The following GASK1A variants were observed in gnomAD, a reference collection of about 807,000 sequenced individuals.
The protein encoded by GASK1A is Golgi-associated kinase 1A.
Under a neutral mutation model 41.2 loss-of-function variants are expected in GASK1A, and 40 were observed. The ratio of observed to expected loss-of-function variants is 0.97; its 90% CI spans 0.75 to 1.27. The LOEUF (loss-of-function observed/expected upper bound fraction) is 1.27. Ranked by LOEUF, GASK1A falls within the 50% of genes most tolerant of loss-of-function variation. The pLI is 0.00. For synonymous variants in GASK1A, 316 were observed against 307.1 expected, an observed-to-expected ratio of 1.03 and a Z score of -0.30; for missense variants, 678 against 745.1, an observed-to-expected ratio of 0.91 and a Z score of 1.05.
intron 2 of GASK1A, among the ~76,000 whole-genome samples, chr3:43,043,469 T>G (rs1267065713): frequency 6.6e-6 from 1 of 152,232 alleles, no homozygotes; most frequent in Non-Finnish European, 1.5e-5. Context: ...CAACCAGTCA[T>G]GCACTTCAAT....
chr3:43,032,953 T>C lies in GASK1A; in HGVS notation c.690T>C (p.Pro230=). 6.4e-7 allele frequency: 1 copy of C among 1,551,004 alleles called. No individual in the cohort carries two copies. The change falls in exon 2 of 5, where the codon CCT becomes CCC. Residue 230 remains proline, a synonymous_variant. Transcript: ENST00000430121. ...PTLASGAHQW[P]GSVEKLQGSV... ...TGGCCTCAGGAGCTCATCAGTGGCC[T>C]GGCTCTGTTGAGAAGCTGCAAGGGT...
chr3:43,038,799 A>C (rs532019508), intron 2 of GASK1A, among the ~76,000 whole-genome samples: 1 of 152,144 alleles, frequency 6.6e-6, no homozygotes, highest in East Asian at 1.9e-4. Context: ...CACATTAGTG[A>C]TCAGAAGTGA....
At chr3:43,045,268 T>C (rs2125690695) in intron 2 of GASK1A, among the ~76,000 whole-genome samples, 1 of 152,234 alleles carries the variant, frequency 6.6e-6, no homozygotes, top group African/African-American at 2.4e-5. Flanking sequence ...TTTTATGCCC[T>C]GAGCTTAGAT....
chr3:42,998,725 C>T (rs1390411086), intron 1 of GASK1A, among the ~76,000 whole-genome samples: 1 of 152,154 alleles, frequency 6.6e-6, no homozygotes, highest in South Asian at 2.1e-4. Flanking sequence ...CTCTTCCTCC[C>T]ACCTGCTTAC....
intron 2 of GASK1A, chr3:43,037,421 G>T: frequency 1.1e-6 from 1 of 896,576 alleles, no homozygotes; most frequent in Non-Finnish European, 1.8e-6. Context: ...AAGCTGCTCT[G>T]GAGGCAGCTG....
At chr3:42,996,380 A>C (rs912570373) in intron 1 of GASK1A, among the ~76,000 whole-genome samples, 4 of 152,202 alleles carry the variant, frequency 2.6e-5, no homozygotes, top group Non-Finnish European at 5.9e-5. Context: ...TATGATGGAC[A>C]GGTCACATTC....
At chr3:43,051,749 G>A (rs549185193) in intron 2 of GASK1A, among the ~76,000 whole-genome samples, 5 of 152,168 alleles carry the variant, frequency 3.3e-5, no homozygotes, top group South Asian at 2.1e-4. Context: ...TTTTAGTACC[G>A]GGCAACCAAA....
chr3:43,023,503 A>G (rs1320128575), intron 1 of GASK1A, among the ~76,000 whole-genome samples: 1 of 152,238 alleles, frequency 6.6e-6, no homozygotes, highest in Admixed American at 6.5e-5. Context: ...GAAAAGCAAC[A>G]GCCTGAGAAG....
intron 1 of GASK1A, among the ~76,000 whole-genome samples, chr3:42,987,096 C>T (rs2089315698): frequency 6.6e-6 from 1 of 152,224 alleles, no homozygotes; most frequent in South Asian, 2.1e-4. Context: ...GGATTCTTAA[C>T]AAAGCAATTT....
chr3:43,004,883 C>T (rs2089428274), intron 1 of GASK1A, among the ~76,000 whole-genome samples: 1 of 152,160 alleles, frequency 6.6e-6, no homozygotes, highest in Non-Finnish European at 1.5e-5. Context: ...ACTAGAAGTC[C>T]AAAGTGAGTC....
At chr3:43,008,040 T>C (rs1312557047) in intron 1 of GASK1A, among the ~76,000 whole-genome samples, 2 of 152,194 alleles carry the variant, frequency 1.3e-5, no homozygotes, top group African/African-American at 2.4e-5. Flanking sequence ...TCTTATTCTT[T>C]TAGGCTTCTA....
At chr3:43,039,298 G>C (rs1056290989) in intron 2 of GASK1A, among the ~76,000 whole-genome samples, 12 of 151,302 alleles carry the variant, frequency 7.9e-5, no homozygotes, top group Admixed American at 3.3e-4. Context: ...CACCTCCCGG[G>C]TTCAAGTGAT....
intron 4 of GASK1A, 31 bp from the exon 5 acceptor site, chr3:43,056,145 C>G: frequency 6.7e-7 from 1 of 1,495,796 alleles, no homozygotes. Context: ...CTTTTTCTTT[C>G]TGTTACGGGG....
intron 1 of GASK1A, among the ~76,000 whole-genome samples, chr3:42,992,956 AT>A (rs2089349511): frequency 6.6e-6 from 1 of 152,226 alleles, no homozygotes; most frequent in Admixed American, 6.5e-5. Context: ...CGTTTGCCTT[AT>A]TTGAGCAGTT....
intron 1 of GASK1A, among the ~76,000 whole-genome samples, chr3:43,019,049 G>A (rs768260355): frequency 2.0e-5 from 3 of 152,208 alleles, no homozygotes; most frequent in Non-Finnish European, 2.9e-5. Flanking sequence ...ACAGTAGTAC[G>A]TATCTCATAA....
At chr3:42,995,073 T>C (rs1032721159) in intron 1 of GASK1A, among the ~76,000 whole-genome samples, 8 of 152,156 alleles carry the variant, frequency 5.3e-5, no homozygotes, top group African/African-American at 1.9e-4. Flanking sequence ...ATATTGGACA[T>C]TGTAGCCCTG....
In GASK1A at chr3:43,049,142, T is replaced by A. The variant is rs193230009; in HGVS notation, c.1291-4379T>A. ...ATTGTTGATGCCACCAGACTGTATCTAGCAGGGAAGATTGATTCTCTTACA... is the reference window on the plus strand; with the variant it reads ...ATTGTTGATGCCACCAGACTGTATCAAGCAGGGAAGATTGATTCTCTTACA... On this transcript the variant is annotated intron_variant, in intron 2 of 4. Coordinates refer to ENST00000430121, the MANE Select transcript of GASK1A (RefSeq NM_001129908.3). Among the ~76,000 whole-genome samples the A allele has an allele frequency of 1.1e-4, 17 of 152,266 alleles. No homozygotes were observed. In the East Asian group the frequency reaches 2.7e-3, roughly 24 times the overall value.
Position 43,055,527 on chromosome 3 carries a change from C to A in GASK1A, c.1509C>A (p.Gly503=), listed in dbSNP as rs2089712013. 6.4e-7 allele frequency: 1 copy of A among 1,551,378 alleles called. No homozygotes were observed. The highest frequency in any genetic ancestry group is 2.0e-5 in the Admixed American group (1 of 51,002). The stretch of plus-strand genomic sequence containing the variant: ...AGCTGAACTTTCGGCTGCTGGAGGG[C>A]ATAGATGGGTGAGGGTCAAAAGGGT... ...EDKLNFRLLE[G]IDGFPESAVK... is the part of the protein sequence containing the mutation. The change falls in exon 4 of 5, where the codon GGC becomes GGA. Residue 503 remains glycine (G), a synonymous_variant. Transcript: ENST00000430121.
At chr3:42,986,214 C>G (rs1174899967) in intron 1 of GASK1A, among the ~76,000 whole-genome samples, 1 of 152,164 alleles carries the variant, frequency 6.6e-6, no homozygotes, top group Non-Finnish European at 1.5e-5. Context: ...CTGGGAGAAA[C>G]CAATCCTACT....
Sources: allele counts gnomAD v4.1 joint callset (sites outside exome capture counted in the v4.1 genomes callset), GRCh38; gene constraint gnomAD v4.1.1; transcripts MANE v1.5; gene names NCBI Gene and HGNC (gene_info 2026-07-23, HGNC 2026-07-21).